The following PKN2 variants were observed in gnomAD, a reference collection of about 807,000 sequenced individuals.
PKN2 encodes protein kinase N2.
In PKN2, 38 loss-of-function variants were observed where a neutral mutation model predicts 119.1. The ratio of observed to expected loss-of-function variants is 0.32; its 90% CI spans 0.25 to 0.42. PKN2 has a LOEUF of 0.42. Ranked by LOEUF, PKN2 falls within the 10% of genes least tolerant of loss-of-function variation. PKN2 has a pLI of 1.00. For synonymous variants in PKN2, 390 were observed against 384.9 expected (o/e 1.01, Z -0.15); for missense variants, 850 against 1,165.1 (o/e 0.73, Z 3.94).
intron 1 of PKN2, among the ~76,000 whole-genome samples, chr1:88,694,070 C>A (rs76128907): frequency 0.019 from 2,942 of 152,290 alleles, 91 homozygotes; most frequent in African/African-American, 0.066. Context: ...TGTACATATG[C>A]ATTATCGACA....
intron 1 of PKN2, among the ~76,000 whole-genome samples, chr1:88,707,788 A>G (rs1196930522): frequency 1.3e-5 from 2 of 152,108 alleles, no homozygotes; most frequent in Non-Finnish European, 2.9e-5. Context: ...TCTATGAATT[A>G]CCTGGTCATA....
chr1:88,784,954 A>T, intron 7 of PKN2, 130 bp downstream of exon 7: 1 of 483,432 alleles, frequency 2.1e-6, no homozygotes, highest in Non-Finnish European at 3.5e-6. Context: ...AAATATTAAA[A>T]CCTGTGATGT....
At chr1:88,768,262 TTTA>T (rs1669745615) in intron 3 of PKN2, among the ~76,000 whole-genome samples, 1 of 152,212 alleles carries the variant, frequency 6.6e-6, no homozygotes, top group Non-Finnish European at 1.5e-5. Context: ...ACAACAGAAA[TTTA>T]TTATAATTTT....
At chr1:88,831,375 A>T (rs1672728304) in intron 19 of PKN2, among the ~76,000 whole-genome samples, 1 of 151,674 alleles carries the variant, frequency 6.6e-6, no homozygotes, top group South Asian at 2.1e-4. Flanking sequence ...TTATCCATTG[A>T]AATTCCCATT....
chr1:88,814,323 T>G (rs1671899069), intron 16 of PKN2, among the ~76,000 whole-genome samples: 1 of 152,186 alleles, frequency 6.6e-6, no homozygotes, highest in South Asian at 2.1e-4. Context: ...TTCAAATAAA[T>G]AAGAATAATA....
intron 1 of PKN2, among the ~76,000 whole-genome samples, chr1:88,705,543 A>C (rs1355829751): frequency 1.3e-5 from 2 of 151,970 alleles, no homozygotes; most frequent in African/African-American, 4.8e-5. Flanking sequence ...AATACAAAAA[A>C]AAAAAATTAG....
In PKN2 at chr1:88,771,869, A is replaced by C; in HGVS notation, c.975A>C (p.Ala325=). Residue 325 remains alanine, a synonymous_variant, in exon 6 of 22, where the codon GCA becomes GCC. Transcript: ENST00000370521. ...AATATAGTACACTATCCAAACCAGC[A>C]GCACTAACAGGTATGTAGTGTATAG... ...QNQYSTLSKP[A]ALTGTLEVRL... The C allele has an allele frequency of 6.2e-7, 1 of 1,609,472 alleles. No homozygotes were observed.
At chr1:88,742,225 C>A (rs924262526) in intron 2 of PKN2, among the ~76,000 whole-genome samples, 2 of 151,932 alleles carry the variant, frequency 1.3e-5, no homozygotes, top group African/African-American at 4.8e-5. Context: ...TTTAGAAGAA[C>A]GTGTGTGATT....
chr1:88,765,368 AT>A (rs1447409481), intron 3 of PKN2, among the ~76,000 whole-genome samples: 5 of 151,894 alleles, frequency 3.3e-5, no homozygotes, highest in African/African-American at 9.7e-5. Context: ...TCTTACTAGC[AT>A]CTTGCATCGG....
intron 15 of PKN2, among the ~76,000 whole-genome samples, chr1:88,811,392 G>A (rs1671778595): frequency 1.3e-5 from 2 of 152,138 alleles, no homozygotes; most frequent in African/African-American, 4.8e-5. Context: ...ATCTGAAAAT[G>A]TAATGAACTT....
chr1:88,749,956 C>T (rs1668921872), intron 2 of PKN2, among the ~76,000 whole-genome samples: 2 of 152,142 alleles, frequency 1.3e-5, no homozygotes, highest in Admixed American at 1.3e-4. Flanking sequence ...AGAGAGCCAG[C>T]TTGCTATAAA....
intron 2 of PKN2, among the ~76,000 whole-genome samples, chr1:88,755,427 AT>A (rs2100771708): frequency 6.6e-6 from 1 of 152,340 alleles, no homozygotes; most frequent in South Asian, 2.1e-4. Context: ...TATATAAGAC[AT>A]TTAAGGTTAA....
At chr1:88,809,558 A>G (rs529999020) in intron 15 of PKN2, among the ~76,000 whole-genome samples, 35 of 152,208 alleles carry the variant, frequency 2.3e-4, no homozygotes, top group Admixed American at 2.2e-3. Context: ...AATGAAATCT[A>G]TAGAAAGTTT....
In PKN2 at chr1:88,773,779, T is replaced by TAAGA. The variant is rs554132164; in HGVS notation, c.985+1913_985+1916dup. Among the ~76,000 whole-genome samples, 1,053 of 152,026 alleles carry TAAGA rather than the reference T, an allele frequency of 6.9e-3. 4 individuals are homozygous for TAAGA. Among genetic ancestry groups the TAAGA allele is most frequent in the Middle Eastern group, 0.014 (4 of 294 alleles). ...GGGTGACACAGCAAGACTCCGCCTC[T>TAAGA]AAGAAAGAAAGAAAGAGAGAGAAAC... On this transcript the variant is annotated intron_variant, in intron 6 of 21. Transcript: ENST00000370521.
At chr1:88,726,805 T>A (rs1240439884) in intron 1 of PKN2, among the ~76,000 whole-genome samples, 1 of 152,096 alleles carries the variant, frequency 6.6e-6, no homozygotes. Context: ...AAGTTATTGA[T>A]TCATACTCTG....
At chr1:88,737,256 T>C (rs1361776137) in intron 1 of PKN2, among the ~76,000 whole-genome samples, 1 of 152,058 alleles carries the variant, frequency 6.6e-6, no homozygotes, top group African/African-American at 2.4e-5. Context: ...AGACAGACAG[T>C]AGTGATGTAC....
intron 16 of PKN2, among the ~76,000 whole-genome samples, chr1:88,816,447 C>A (rs7516229): frequency 0.11 from 16,878 of 151,686 alleles, 1,931 homozygotes; most frequent in African/African-American, 0.3. Flanking sequence ...GGGTTTCACT[C>A]TATTGGCCAG....
intron 8 of PKN2, among the ~76,000 whole-genome samples, chr1:88,788,602 C>T (rs760219598): frequency 7.9e-5 from 12 of 152,028 alleles, no homozygotes; most frequent in South Asian, 2.1e-4. Context: ...TGTACCACCA[C>T]GCCTGTCTAA....
intron 16 of PKN2, among the ~76,000 whole-genome samples, chr1:88,816,109 C>T (rs974327342): frequency 1.3e-5 from 2 of 150,644 alleles, no homozygotes; most frequent in Non-Finnish European, 3.0e-5. Context: ...CACTGCACTC[C>T]ACCCTGGGCG....
Sources: gnomAD v4.1 joint callset for allele counts (sites outside exome capture counted in the v4.1 genomes callset) on GRCh38, gnomAD v4.1.1 for gene constraint, MANE v1.5 for transcripts, NCBI Gene and HGNC (gene_info 2026-07-23, HGNC 2026-07-21) for gene names.